Variants in CIC observed in about 807,000 individuals in gnomAD.
CIC encodes protein capicua homolog.
A neutral mutation model predicts 115.7 loss-of-function variants in CIC; 18 were observed. The ratio of observed to expected loss-of-function variants is 0.16; its 90% CI spans 0.11 to 0.23. The LOEUF is 0.23. Ranked by LOEUF, CIC falls within the 10% of genes least tolerant of loss-of-function variation. The pLI is 1.00. For synonymous variants in CIC, 1,076 were observed against 923.0 expected, an observed-to-expected ratio of 1.17 and a Z score of -3.01; for missense variants, 2,000 against 2,159.3, an observed-to-expected ratio of 0.93 and a Z score of 1.46.
chr19:42,290,242 C>A lies in CIC; in HGVS notation c.4201C>A (p.Arg1401=), dbSNP rs373584239. ...EDPEGNKGFG[R]KVFSPVIRSS... Reference sequence around the variant, plus strand: ...CCTTCCTTTCATGCAGGGCTTTGGTCGGAAGGTGTTTTCACCTGTGATCCG... The same window carrying A: ...CCTTCCTTTCATGCAGGGCTTTGGTAGGAAGGTGTTTTCACCTGTGATCCG... Residue 1401 remains arginine, a synonymous_variant, in exon 11 of 21, where the codon CGG becomes AGG. Coordinates refer to ENST00000681038, the MANE Select transcript of CIC (RefSeq NM_001386298.1). 4.3e-6 allele frequency: 7 copies of A among 1,614,052 alleles called. No homozygotes were observed. In the African/African-American group the frequency reaches 8.0e-5, roughly 18 times the overall value.
chr19:42,289,247 T>A lies in CIC; in HGVS notation c.3928T>A (p.Phe1310Ile), dbSNP rs752892028. ...PSTQYGAPGPFAAPGEGGALA... is the reference protein window; with the variant it reads ...PSTQYGAPGPIAAPGEGGALA... ...TACCCAGTATGGAGCTCCAGGACCCTTTGCAGCCCCTGGTGAGGGAGGTGC... is the reference window on the plus strand; with the variant it reads ...TACCCAGTATGGAGCTCCAGGACCCATTGCAGCCCCTGGTGAGGGAGGTGC... Residue 1310 changes from phenylalanine (F) to isoleucine (I), a missense_variant, in exon 9 of 21, where the codon TTT becomes ATT. By Grantham distance (21) the Phe-to-Ile change is conservative (BLOSUM62 0). Around this residue, in one of 8 missense-constraint regions of CIC, gnomAD observed 1,466 missense variants for 1,390.4 expected, o/e 1.05. Transcript: ENST00000681038. 9 of 1,613,668 alleles carry A rather than the reference T, an allele frequency of 5.6e-6. No individual in the cohort carries two copies. Among genetic ancestry groups the A allele is most frequent in the Non-Finnish European group, 7.6e-6 (9 of 1,180,010 alleles).
rs376482983 is a variant in CIC at position 42,271,618 on chromosome 19, C to T, written c.-10-156C>T. Among the ~76,000 whole-genome samples the T allele has an allele frequency of 2.6e-5, 4 of 152,294 alleles. No homozygotes were observed. In the East Asian group the frequency reaches 5.8e-4, roughly 22 times the overall value. On this transcript the variant is annotated intron_variant, in intron 1 of 20. Coordinates refer to ENST00000681038, the MANE Select transcript of CIC (RefSeq NM_001386298.1). Reference sequence around the variant, plus strand: ...GGTGCTCACCTGTGCCTGGTGCTGACTGAGGTATCACATGAGTTGACAGCA... The same window carrying T: ...GGTGCTCACCTGTGCCTGGTGCTGATTGAGGTATCACATGAGTTGACAGCA...
Position 42,290,235 on chromosome 19 carries a change from C to T in CIC, c.4194C>T (p.Gly1398=), listed in dbSNP as rs1470600038. Residue 1398 remains glycine (G), a splice_region_variant and synonymous_variant, in exon 11 of 21, where the codon GGC becomes GGT. Coordinates refer to ENST00000681038, the MANE Select transcript of CIC (RefSeq NM_001386298.1). ...SSGEDPEGNK[G]FGRKVFSPVI... ...GTGTCTCCCTTCCTTTCATGCAGGG[C>T]TTTGGTCGGAAGGTGTTTTCACCTG... 2 of 1,614,092 alleles carry T rather than the reference C, an allele frequency of 1.2e-6. No homozygotes were observed. The highest frequency in any genetic ancestry group is 1.7e-6 in the Non-Finnish European group (2 of 1,179,982).
In CIC at chr19:42,289,319, C is replaced by T. The variant is rs1210499488; in HGVS notation, c.4000C>T (p.Arg1334Cys). 47 of 1,613,932 alleles carry T rather than the reference C, an allele frequency of 2.9e-5. No individual in the cohort carries two copies. The highest frequency in any genetic ancestry group is 3.6e-5 in the Non-Finnish European group (42 of 1,180,002). ...CCCGCTGCTGCCCACCCGAGCTTCT[C>T]GTTCTCAGCGTGCGGCCAGTGAGGA... is the stretch of plus-strand genomic sequence containing the variant. ...RPPLLPTRAS[R>C]SQRAASEDMT... Residue 1334 changes from arginine (R) to cysteine (C), a missense_variant, in exon 9 of 21, where the codon CGT becomes TGT. Physicochemically the swap from Arg to Cys is radical, Grantham distance 180. Transcript: ENST00000681038.
intron 2 of CIC, among the ~76,000 whole-genome samples, chr19:42,285,670 T>G (rs1186993217): frequency 1.3e-5 from 2 of 152,166 alleles, no homozygotes; most frequent in Non-Finnish European, 2.9e-5. Flanking sequence ...GGCGGTTCCC[T>G]CCTCCCTTCT....
rs200523166 is a variant in CIC, at chr19:42,269,809, AGGTAGTGACAG to A, written c.-11+430_-11+440del. 4.8e-3 allele frequency among the ~76,000 whole-genome samples: 725 copies of A among 151,742 alleles called. 10 individuals are homozygous for A. Among genetic ancestry groups the A allele is most frequent in the African/African-American group, 0.017 (691 of 41,294 alleles). On this transcript the variant is annotated intron_variant, in intron 1 of 20. Transcript: ENST00000681038. ...CATTTTAACCGAGAGGTAGAGATAGAGGTAGTGACAGGATGAGAGAGAGAGTGTCAGAGAAG... is the reference window on the plus strand; with the variant it reads ...CATTTTAACCGAGAGGTAGAGATAGAGATGAGAGAGAGAGTGTCAGAGAAG...
chr19:42,295,554 CCT>C lies in CIC; in HGVS notation c.*364_*365del, dbSNP rs1415601926. 3.8e-6 allele frequency: 1 copy of C among 263,368 alleles called. No individual in the cohort carries two copies. Among genetic ancestry groups the C allele is most frequent in the African/African-American group, 2.2e-5 (1 of 45,850 alleles). The allele number at this position is 263,368 out of a possible 1,614,324, so 16.3% of individuals were successfully genotyped here. On this transcript the variant is annotated 3_prime_UTR_variant, in exon 21 of 21. Transcript: ENST00000681038. Reference sequence around the variant, plus strand: ...GTGGAATAGGGGGAGTTCATGCACCCCTTTTTTCCCCAGAGGGGCTGGACTCA... The same window carrying C: ...GTGGAATAGGGGGAGTTCATGCACCCTTTTTCCCCAGAGGGGCTGGACTCA...
Position 42,270,505 on chromosome 19 carries a change from G to T in CIC, c.-11+1124G>T, listed in dbSNP as rs1441898253. ...GTTTTTTCCCCTTTTCTTTTCTCAG[G>T]GCAGCTCGAAAGGGGGCGGGCAGTA... On this transcript the variant is annotated intron_variant, in intron 1 of 20. Transcript: ENST00000681038. The surrounding 1 kb of genome is among the most constrained non-coding windows in gnomAD (Gnocchi z 4.1). Among the ~76,000 whole-genome samples the T allele has an allele frequency of 1.3e-5, 2 of 152,198 alleles. No homozygotes were observed. The highest frequency in any genetic ancestry group is 2.9e-5 in the Non-Finnish European group (2 of 68,038).
rs761871591 is a variant in CIC, at chr19:42,295,323, TC to T, written c.*134del. ...CAGTTTGGGGCGGAATGAGGCCTGCTCCTCTTGTAAATACCCCCTTCCCTCG... is the reference window on the plus strand; with the variant it reads ...CAGTTTGGGGCGGAATGAGGCCTGCTCTCTTGTAAATACCCCCTTCCCTCG... On this transcript the variant is annotated 3_prime_UTR_variant, in exon 21 of 21. Transcript: ENST00000681038. The T allele has an allele frequency of 2.5e-5, 20 of 787,488 alleles. No homozygotes were observed. Among genetic ancestry groups the T allele is most frequent in the Non-Finnish European group, 3.8e-5 (19 of 499,478 alleles). 48.8% of individuals were successfully genotyped at this position (787,488 alleles called of 1,614,324 possible).
At chr19:42,282,165 TC>T (rs563262083) in intron 2 of CIC, among the ~76,000 whole-genome samples, 1 of 152,282 alleles carries the variant, frequency 6.6e-6, no homozygotes, top group South Asian at 2.1e-4. Context: ...CACCTAATAG[TC>T]CCTCTGGTTG....
rs552198770 is a variant in CIC, at chr19:42,290,181, A to G, written c.4192-52A>G. On this transcript the variant is annotated intron_variant, in intron 10 of 20. Coordinates refer to ENST00000681038, the MANE Select transcript of CIC (RefSeq NM_001386298.1). The stretch of plus-strand genomic sequence containing the variant: ...GGATGGGCATGGCTAGGGGGCTGCT[A>G]TCGAGGTGTCGGAGTGTCCTGACCT... The G allele has an allele frequency of 7.4e-6, 12 of 1,611,824 alleles. No homozygotes were observed. The Admixed American group carries it at 1.3e-4, about 18-fold the overall frequency.
Position 42,291,043 on chromosome 19 carries a change from A to G in CIC, c.5002A>G (p.Thr1668Ala), listed in dbSNP as rs967265703. 1.2e-6 allele frequency: 2 copies of G among 1,613,906 alleles called. No individual in the cohort carries two copies. Among genetic ancestry groups the G allele is most frequent in the Non-Finnish European group, 1.7e-6 (2 of 1,179,958 alleles). ...LLGTVGKAPA[T>A]VTNLLVGTPG... ...GGGCACTGTGGGGAAGGCGCCTGCCACTGTCACTAACCTACTGGTGGGCAC... is the reference window on the plus strand; with the variant it reads ...GGGCACTGTGGGGAAGGCGCCTGCCGCTGTCACTAACCTACTGGTGGGCAC... Residue 1668 changes from threonine (T) to alanine (A), a missense_variant, in exon 11 of 21, where the codon ACT (threonine) becomes GCT (alanine). Thr to Ala is a moderately conservative substitution (Grantham distance 58). Around this residue, in one of 8 missense-constraint regions of CIC, gnomAD observed 1,466 missense variants for 1,390.4 expected, o/e 1.05. Transcript: ENST00000681038.
In CIC at chr19:42,292,059, C is replaced by T. The variant is rs1463865136; in HGVS notation, c.5614-27C>T. The T allele has an allele frequency of 4.3e-6, 7 of 1,612,852 alleles. No homozygotes were observed. In the South Asian group the frequency reaches 4.4e-5, roughly 10 times the overall value. ...CCCCAGTCTGGGGCCACAGCTCACC[C>T]TGGCCTATGGGTGCCCTTCTCCACA... is the stretch of plus-strand genomic sequence containing the variant. On this transcript the variant is annotated intron_variant, in intron 12 of 20. Transcript: ENST00000681038.
chr19:42,277,345 T>C (rs568550806), intron 2 of CIC, among the ~76,000 whole-genome samples: 1 of 152,340 alleles, frequency 6.6e-6, no homozygotes, highest in South Asian at 2.1e-4. Flanking sequence ...TTCTCCCGCC[T>C]CAGCCTCCCG....
At position 42,290,352 on chromosome 19, in the gene CIC, T is replaced by C. The variant is rs1487314557; in HGVS notation, c.4311T>C (p.Tyr1437=). ...PDPPVAFGKG[Y]GSAPSSSASS... ...CTCCTGTAGCCTTTGGCAAAGGCTATGGTTCCGCCCCATCCTCCTCTGCGT... is the reference window on the plus strand; with the variant it reads ...CTCCTGTAGCCTTTGGCAAAGGCTACGGTTCCGCCCCATCCTCCTCTGCGT... The change falls in exon 11 of 21, where the codon TAT becomes TAC. Residue 1437 remains tyrosine, a synonymous_variant. Transcript: ENST00000681038. 1.9e-6 allele frequency: 3 copies of C among 1,613,960 alleles called. No individual in the cohort carries two copies. The highest frequency in any genetic ancestry group is 2.5e-6 in the Non-Finnish European group (3 of 1,179,984).
At chr19:42,286,344 G>T (rs1188645970) in intron 2 of CIC, among the ~76,000 whole-genome samples, 1 of 152,094 alleles carries the variant, frequency 6.6e-6, no homozygotes, top group Non-Finnish European at 1.5e-5. Flanking sequence ...AAGGTGAGAC[G>T]CTGTGTTGGG....
chr19:42,291,725 G>A lies in CIC; in HGVS notation c.5593G>A (p.Gly1865Ser), dbSNP rs772978292. 6.2e-7 allele frequency: 1 copy of A among 1,613,018 alleles called. No homozygotes were observed. The highest frequency in any genetic ancestry group is 1.1e-5 in the South Asian group (1 of 91,088). ...GCCCTTCTCAGTACCTGTGCAGAAT[G>A]GTGCCCAGCCCCCCAGCAAGGTGAG... ...SPPFSVPVQN[G>S]AQPPSKIIQL... The change falls in exon 12 of 21, where the codon GGT (glycine) becomes AGT (serine). Residue 1865 changes from glycine to serine, a missense_variant. Physicochemically the swap from Gly to Ser is moderately conservative, Grantham distance 56. This residue lies in a region of CIC where 1,466 missense variants were observed against 1,390.4 expected (regional missense o/e 1.05). Transcript: ENST00000681038.
chr19:42,290,347 G>A lies in CIC; in HGVS notation c.4306G>A (p.Gly1436Ser), dbSNP rs762126256. 2 of 1,614,098 alleles carry A rather than the reference G, an allele frequency of 1.2e-6. No homozygotes were observed. The highest frequency in any genetic ancestry group is 4.5e-5 in the East Asian group (2 of 44,876). The change falls in exon 11 of 21, where the codon GGC becomes AGC. Residue 1436 changes from glycine to serine, a missense_variant. Coordinates refer to ENST00000681038, the MANE Select transcript of CIC (RefSeq NM_001386298.1). ...GGATCCTCCTGTAGCCTTTGGCAAA[G>A]GCTATGGTTCCGCCCCATCCTCCTC... ...PPDPPVAFGK[G>S]YGSAPSSSAS...
intron 2 of CIC, among the ~76,000 whole-genome samples, chr19:42,282,859 T>C (rs2037323826): frequency 7.0e-6 from 1 of 143,310 alleles, no homozygotes; most frequent in Admixed American, 6.9e-5. Flanking sequence ...GTTTCCTTTC[T>C]TCCTGGCCCT....
Sources: gnomAD v4.1 joint callset for allele counts (sites outside exome capture counted in the v4.1 genomes callset) on GRCh38, gnomAD v4.1.1 for gene constraint, gnomAD v4.1.1 regional missense constraint, Gnocchi (gnomAD v3.1) non-coding constraint, MANE v1.5 for transcripts, NCBI Gene and HGNC (gene_info 2026-07-23, HGNC 2026-07-21) for gene names.